MAP3K5: variants seen among roughly 807,000 people sequenced by gnomAD.
MAP3K5 encodes the protein ASK-1.
In MAP3K5, 56 loss-of-function variants were observed where a neutral mutation model predicts 158.7. That is an observed-to-expected ratio of 0.35 (90% CI 0.28 to 0.44). The LOEUF (loss-of-function observed/expected upper bound fraction) is 0.44. MAP3K5 is among the 20% of genes least tolerant of loss of function. The pLI is 1.00. For missense variants in MAP3K5, 1,294 were observed against 1,674.8 expected, an observed-to-expected ratio of 0.77 and a Z score of 3.97; for synonymous variants, 579 against 601.7, an observed-to-expected ratio of 0.96 and a Z score of 0.55.
At chr6:136,734,164 A>G (rs1262385744) in intron 1 of MAP3K5, among the ~76,000 whole-genome samples, 1 of 152,136 alleles carries the variant, frequency 6.6e-6, no homozygotes, top group African/African-American at 2.4e-5. Flanking sequence ...CCTCACCGTA[A>G]TCCCAGCACT....
intron 1 of MAP3K5, among the ~76,000 whole-genome samples, chr6:136,752,788 G>T (rs1783275041): frequency 1.3e-5 from 2 of 152,198 alleles, no homozygotes; most frequent in Admixed American, 6.5e-5. Flanking sequence ...TTATGCAAAA[G>T]CACAGAGCTG....
chr6:136,683,757 CAACA>C (rs1780031617), intron 7 of MAP3K5, among the ~76,000 whole-genome samples: 1 of 152,016 alleles, frequency 6.6e-6, no homozygotes, highest in Admixed American at 6.6e-5. Context: ...CATACTTCTT[CAACA>C]AAACTGAAAT....
At chr6:136,633,425 G>GTATATA (rs139665870) in intron 14 of MAP3K5, among the ~76,000 whole-genome samples, 2 of 147,310 alleles carry the variant, frequency 1.4e-5, no homozygotes, top group Admixed American at 6.8e-5. Flanking sequence ...ATAAATATAT[G>GTATATA]TATATATATA....
At chr6:136,688,585 G>T (rs1249224286) in intron 7 of MAP3K5, among the ~76,000 whole-genome samples, 1 of 152,048 alleles carries the variant, frequency 6.6e-6, no homozygotes, top group Non-Finnish European at 1.5e-5. Context: ...ATGTTCCTAG[G>T]CTAAATGGGA....
chr6:136,630,435 G>A (rs1018972531), intron 14 of MAP3K5: 1 of 152,142 alleles, frequency 6.6e-6, no homozygotes, highest in South Asian at 2.1e-4. Context: ...AAAAATATGT[G>A]AGTGCATTAG....
intron 1 of MAP3K5, among the ~76,000 whole-genome samples, chr6:136,757,072 G>T (rs986007932): frequency 1.3e-5 from 2 of 152,214 alleles, no homozygotes; most frequent in African/African-American, 4.8e-5. Flanking sequence ...TCGATAGGAA[G>T]ACTTTGGCCT....
Position 136,557,611 on chromosome 6 carries a change from C to A in MAP3K5, c.*147G>T. 2 of 564,142 alleles carry A rather than the reference C, an allele frequency of 3.5e-6. No homozygotes were observed. The highest frequency in any genetic ancestry group is 6.3e-6 in the Non-Finnish European group (2 of 319,888). 34.9% of individuals were successfully genotyped at this position (564,142 alleles called of 1,614,324 possible). A position where few individuals can be genotyped will look rare whatever the true frequency, so the allele number is the denominator to read the frequency against. The stretch of plus-strand genomic sequence containing the variant: ...GTTAGGAAATTTCAGTGTGTTTTGT[C>A]TGTTTTTTTTTTTTTTAACATGAGT... On this transcript the variant is annotated 3_prime_UTR_variant, in exon 30 of 30. Transcript: ENST00000359015.
At chr6:136,721,306 T>C (rs1314927401) in intron 1 of MAP3K5, among the ~76,000 whole-genome samples, 14 of 151,532 alleles carry the variant, frequency 9.2e-5, no homozygotes, top group Non-Finnish European at 1.5e-5. Context: ...GGTAAGCTTA[T>C]TAGTTAATCC....
At chr6:136,790,960 A>G (rs781365681) in intron 1 of MAP3K5, among the ~76,000 whole-genome samples, 5 of 152,228 alleles carry the variant, frequency 3.3e-5, no homozygotes, top group Non-Finnish European at 5.9e-5. Context: ...TTTAATGGCG[A>G]AACTAATCTT....
chr6:136,653,617 C>G (rs1397394799), intron 10 of MAP3K5, among the ~76,000 whole-genome samples: 1 of 152,152 alleles, frequency 6.6e-6, no homozygotes, highest in Non-Finnish European at 1.5e-5. Flanking sequence ...AAATATTTGT[C>G]CTGTTTTTCT....
At position 136,613,416 on chromosome 6, in the gene MAP3K5, C is replaced by T. The variant is rs768246107; in HGVS notation, c.2279-160G>A. 1.8e-4 allele frequency among the ~76,000 whole-genome samples: 28 copies of T among 152,074 alleles called. No homozygotes were observed. Among genetic ancestry groups the T allele is most frequent in the Non-Finnish European group, 4.0e-4 (27 of 68,010 alleles). On this transcript the variant is annotated intron_variant, in intron 16 of 29. Transcript: ENST00000359015. This position sits in a 1 kb window ranked among gnomAD's most constrained non-coding sequence, Gnocchi z 4.0. ...GCTCAAACATGAATTTGCAAATATC[C>T]CTACTCTAAAGATGCTTGTAATCAA...
intron 1 of MAP3K5, among the ~76,000 whole-genome samples, chr6:136,784,655 G>A (rs1784764262): frequency 1.3e-5 from 2 of 152,162 alleles, no homozygotes; most frequent in Non-Finnish European, 2.9e-5. Flanking sequence ...GGGCTGCAGG[G>A]CGGTTCCAAT....
At chr6:136,753,906 G>A (rs758874834) in intron 1 of MAP3K5, among the ~76,000 whole-genome samples, 3 of 152,192 alleles carry the variant, frequency 2.0e-5, no homozygotes, top group Non-Finnish European at 4.4e-5. Context: ...AGTGACGAGC[G>A]CATTTCAGGT....
At chr6:136,601,366 C>A (rs1324368583) in intron 20 of MAP3K5, among the ~76,000 whole-genome samples, 1 of 151,776 alleles carries the variant, frequency 6.6e-6, no homozygotes, top group Non-Finnish European at 1.5e-5. Context: ...AAGTATATAC[C>A]CTAAGAGGCA....
intron 7 of MAP3K5, among the ~76,000 whole-genome samples, 187 bp from the exon 8 acceptor site, chr6:136,669,582 T>C (rs764521978): frequency 6.6e-6 from 1 of 152,140 alleles, no homozygotes; most frequent in Non-Finnish European, 1.5e-5. Context: ...CACAGCTCTG[T>C]TGCTTTCCCC....
chr6:136,723,241 G>A (rs900478329), intron 1 of MAP3K5, among the ~76,000 whole-genome samples: 3 of 151,526 alleles, frequency 2.0e-5, no homozygotes, highest in African/African-American at 4.8e-5. Flanking sequence ...TTCAAATAAT[G>A]GGATATCATG....
At chr6:136,761,493 C>T (rs1051172364) in intron 1 of MAP3K5, among the ~76,000 whole-genome samples, 15 of 152,032 alleles carry the variant, frequency 9.9e-5, no homozygotes, top group African/African-American at 9.7e-5. Context: ...GAATTGTTCT[C>T]GCATCCCAAA....
chr6:136,567,659 G>A lies in MAP3K5; in HGVS notation c.3733C>T (p.Leu1245Phe), dbSNP rs781253469. The change falls in exon 26 of 30, where the codon CTT becomes TTT. Residue 1245 changes from leucine (L) to phenylalanine (F), a missense_variant. Leu to Phe is a conservative substitution (Grantham distance 22, BLOSUM62 0). Around this residue, in one of 5 missense-constraint regions of MAP3K5, gnomAD observed 199 missense variants for 220.3 expected, o/e 0.90. Transcript: ENST00000359015. Reference protein sequence around the residue: ...QSAHRSLNVQLGRMKIETNRL... With the variant: ...QSAHRSLNVQFGRMKIETNRL... ...TTGGTTTCTATTTTCATCCTTCCAA[G>A]CTGTACATTCAGTGACCGGTGAGCA... The A allele has an allele frequency of 6.2e-7, 1 of 1,614,140 alleles. No individual in the cohort carries two copies. Among genetic ancestry groups the A allele is most frequent in the South Asian group, 1.1e-5 (1 of 91,082 alleles).
chr6:136,688,139 A>G (rs1780232428), intron 7 of MAP3K5, among the ~76,000 whole-genome samples: 1 of 152,206 alleles, frequency 6.6e-6, no homozygotes, highest in Non-Finnish European at 1.5e-5. Flanking sequence ...TGAAGCTGGA[A>G]ACCATAATTC....
Sources: allele counts gnomAD v4.1 joint callset (sites outside exome capture counted in the v4.1 genomes callset), GRCh38; gene constraint gnomAD v4.1.1; regional missense constraint gnomAD v4.1.1; non-coding constraint Gnocchi (gnomAD v3.1); transcripts MANE v1.5; gene names NCBI Gene and HGNC (gene_info 2026-07-23, HGNC 2026-07-21).